Variants in SIN3A observed in about 807,000 individuals in gnomAD.
The protein encoded by SIN3A is SIN3 transcription regulator family member A.
SIN3A carries 14 observed loss-of-function variants against 146.1 expected under a neutral mutation model. The ratio of observed to expected loss-of-function variants is 0.10; its 90% confidence interval spans 0.06 to 0.15. SIN3A has a LOEUF of 0.15. Ranked by LOEUF, SIN3A falls within the 10% of genes least tolerant of loss-of-function variation. The pLI, the probability that SIN3A is intolerant of heterozygous loss-of-function variation, is 1.00. For synonymous variants in SIN3A, 572 were observed against 572.0 expected (o/e 1.00, Z 0.00); for missense variants, 1,028 against 1,576.0 (o/e 0.65, Z 5.89).
At chr15:75,445,791 GAAAAT>G in intron 1 of SIN3A, among the ~76,000 whole-genome samples, 1 of 144,074 alleles carries the variant, frequency 6.9e-6, no homozygotes, top group South Asian at 2.3e-4. Context: ...AGAAAGAAAA[GAAAAT>G]AGAGCATTAC....
chr15:75,427,245 C>T (rs996832357), intron 2 of SIN3A, among the ~76,000 whole-genome samples: 9 of 152,084 alleles, frequency 5.9e-5, no homozygotes, highest in Non-Finnish European at 8.8e-5. Context: ...TGGTGGCTTG[C>T]GCCTGTAATC....
chr15:75,441,079 G>A (rs1160709485), intron 1 of SIN3A, among the ~76,000 whole-genome samples: 2 of 151,860 alleles, frequency 1.3e-5, no homozygotes, highest in African/African-American at 2.4e-5. Flanking sequence ...AGGCCAAGTC[G>A]GGTAGATCAC....
chr15:75,379,179 T>C (rs1311723151), intron 19 of SIN3A, among the ~76,000 whole-genome samples: 1 of 152,214 alleles, frequency 6.6e-6, no homozygotes, highest in Non-Finnish European at 1.5e-5. Context: ...GTTACAGGCG[T>C]GAGCCACTGC....
At chr15:75,409,182 C>T (rs970094505) in intron 8 of SIN3A, among the ~76,000 whole-genome samples, 4 of 150,820 alleles carry the variant, frequency 2.7e-5, no homozygotes, top group Admixed American at 6.6e-5. Flanking sequence ...CCAGCCTGGG[C>T]GACAGAGCAA....
intron 3 of SIN3A, among the ~76,000 whole-genome samples, chr15:75,418,729 A>C (rs528480493): frequency 6.6e-6 from 1 of 151,792 alleles, no homozygotes; most frequent in African/African-American, 2.4e-5. Flanking sequence ...TAGCAGCACT[A>C]ATGGATTGAG....
upstream of SIN3A, chr15:75,453,810 G>T (rs1174332055): frequency 1.3e-5 from 2 of 152,364 alleles, no homozygotes; most frequent in African/African-American, 2.4e-5. Context: ...AGAACCTCCG[G>T]AGTTTCGCTC....
intron 2 of SIN3A, among the ~76,000 whole-genome samples, chr15:75,426,587 G>A (rs1014274272): frequency 2.0e-5 from 3 of 152,108 alleles, no homozygotes; most frequent in Non-Finnish European, 4.4e-5. Flanking sequence ...TAAATGAAAA[G>A]AGCAAACAGC....
intron 12 of SIN3A, among the ~76,000 whole-genome samples, chr15:75,397,954 T>C (rs1046682156): frequency 1.2e-4 from 18 of 152,184 alleles, no homozygotes; most frequent in Non-Finnish European, 2.6e-4. Context: ...TTTCTGCAAA[T>C]AGGTGCAACT....
rs1255001492 is a variant in SIN3A at position 75,402,032 on chromosome 15, G to A, written c.1408-62C>T. ...TTTCTTAAAGTGGGGAACTGAAAAG[G>A]GCCTCGCTCTGTCGCCCAGGAGGAG... On this transcript the variant is annotated intron_variant, in intron 9 of 20. Coordinates refer to ENST00000394947, the MANE Select transcript of SIN3A (RefSeq NM_001145358.2). 6.6e-5 allele frequency: 70 copies of A among 1,057,718 alleles called. 1 individual carries two copies. In the East Asian group the frequency reaches 1.7e-3, roughly 25 times the overall value. The allele number at this position is 1,057,718 out of a possible 1,614,324, so 65.5% of individuals were successfully genotyped here.
At chr15:75,430,118 A>T in intron 2 of SIN3A, 69 bp downstream of exon 2, 1 of 1,255,248 alleles carries the variant, frequency 8.0e-7, no homozygotes, top group African/African-American at 1.5e-5. Flanking sequence ...TATTAAAAAA[A>T]GTTTTATAAT....
At chr15:75,429,590 G>A (rs772309313) in intron 2 of SIN3A, among the ~76,000 whole-genome samples, 6 of 152,106 alleles carry the variant, frequency 3.9e-5, no homozygotes, top group South Asian at 2.1e-4. Context: ...TAATAAGTGC[G>A]TTGATTTAAA....
chr15:75,428,553 G>A (rs1049528386), intron 2 of SIN3A, among the ~76,000 whole-genome samples: 15 of 151,832 alleles, frequency 9.9e-5, no homozygotes, highest in African/African-American at 2.9e-4. Context: ...TGTCACCCAC[G>A]CTGGGTGCGG....
intron 16 of SIN3A, among the ~76,000 whole-genome samples, chr15:75,384,849 T>G (rs957109890): frequency 6.6e-6 from 1 of 152,202 alleles, no homozygotes; most frequent in African/African-American, 2.4e-5. Flanking sequence ...GAAGGCAAGC[T>G]AGACAGAGAG....
rs1234553431 is a variant in SIN3A, at chr15:75,392,626, A to G, written c.2467T>C (p.Leu823=). The G allele has an allele frequency of 2.5e-6, 4 of 1,614,008 alleles. No individual in the cohort carries two copies. The highest frequency in any genetic ancestry group is 1.7e-5 in the Admixed American group (1 of 59,996). ...KQIMHHFIPD[L]LFAQRGDLSD... ...AGATCACCTCTTTGGGCAAAGAGCA[A>G]ATCTGGAATAAAATGATGCATGATT... Residue 823 remains leucine (L), a synonymous_variant, in exon 15 of 21, where the codon TTG becomes CTG. Coordinates refer to ENST00000394947, the MANE Select transcript of SIN3A (RefSeq NM_001145358.2).
intron 16 of SIN3A, among the ~76,000 whole-genome samples, chr15:75,384,910 A>C (rs1345560422): frequency 1.3e-5 from 2 of 152,216 alleles, no homozygotes; most frequent in Non-Finnish European, 2.9e-5. Context: ...AAGGTGGCTC[A>C]CGCCTGTAAT....
In SIN3A at chr15:75,412,934, T is replaced by C. The variant is rs779808530; in HGVS notation, c.585A>G (p.Gln195=). 8.1e-6 allele frequency: 13 copies of C among 1,614,070 alleles called. 1 individual carries two copies. Among genetic ancestry groups the C allele is most frequent in the South Asian group, 3.3e-5 (3 of 91,076 alleles). The change falls in exon 5 of 21, where the codon CAA becomes CAG. Residue 195 remains glutamine, a synonymous_variant. Transcript: ENST00000394947. ...TTGTCACATTCACCATGTCATTGGT[T>C]TGCACCTCAATTTTGTAGCCAGGGG... ...FLPPGYKIEV[Q]TNDMVNVTTP... is the part of the protein sequence containing the mutation.
At chr15:75,432,644 C>T (rs1192433182) in intron 1 of SIN3A, among the ~76,000 whole-genome samples, 1 of 148,894 alleles carries the variant, frequency 6.7e-6, no homozygotes, top group Non-Finnish European at 1.5e-5. Flanking sequence ...GGAGGTCCCA[C>T]CACTGCACTC....
chr15:75,397,152 T>TAAAA (rs1296663427), intron 12 of SIN3A, among the ~76,000 whole-genome samples: 2 of 152,196 alleles, frequency 1.3e-5, no homozygotes, highest in African/African-American at 4.8e-5. Context: ...ACTTTTTCCC[T>TAAAA]AGCTTAAAAT....
In SIN3A at chr15:75,414,208, T is replaced by A; in HGVS notation, c.470A>T (p.Gln157Leu). 1 of 1,487,036 alleles carries A rather than the reference T, an allele frequency of 6.7e-7. No homozygotes were observed. Among genetic ancestry groups the A allele is most frequent in the African/African-American group, 1.4e-5 (1 of 73,098 alleles). The allele number at this position is 1,487,036 out of a possible 1,614,324, so 92.1% of individuals were successfully genotyped here. A position where few individuals can be genotyped will look rare whatever the true frequency, so the allele number is the denominator to read the frequency against. The change falls in exon 4 of 21, where the codon CAG becomes CTG. Residue 157 changes from glutamine to leucine, a missense_variant. Coordinates refer to ENST00000394947, the MANE Select transcript of SIN3A (RefSeq NM_001145358.2). ...AGTACAATCACACATCTTTTACCTC[T>A]GAGATTTAAATTCCTTCATGATGTC... ...FLDIMKEFKS[Q>L]SIDTPGVISR...
Sources: gnomAD v4.1 joint callset for allele counts (sites outside exome capture counted in the v4.1 genomes callset) on GRCh38, gnomAD v4.1.1 for gene constraint, MANE v1.5 for transcripts, NCBI Gene and HGNC (gene_info 2026-07-23, HGNC 2026-07-21) for gene names.